Variants in SYN1 observed in about 807,000 individuals in gnomAD.
The protein encoded by SYN1 is synapsin-1.
A neutral mutation model predicts 44.6 loss-of-function variants in SYN1; 8 were observed. The ratio of observed to expected loss-of-function variants is 0.18; its 90% CI spans 0.11 to 0.32. SYN1 has a LOEUF of 0.32. Among genes scored for constraint, SYN1 ranks in the 10% least tolerant of loss-of-function variants. The pLI, the probability that SYN1 is intolerant of heterozygous loss-of-function variation, is 1.00. For synonymous variants in SYN1, 275 were observed against 280.1 expected (o/e 0.98, Z 0.18); for missense variants, 451 against 639.4 (o/e 0.71, Z 3.18).
intron 5 of SYN1, chrX:47,583,668 C>A: frequency 1.4e-6 from 1 of 738,519 alleles, no homozygotes; most frequent in Non-Finnish European, 1.9e-6. Flanking sequence ...GCCACACTGG[C>A]ATCCTCACAC....
intron 1 of SYN1, 79 bp downstream of exon 1, chrX:47,619,273 G>C: frequency 8.5e-7 from 1 of 1,172,714 alleles, no homozygotes; most frequent in South Asian, 1.8e-5. Flanking sequence ...GCACACAAGC[G>C]GCGCTCGATA....
At chrX:47,577,572 A>G in intron 5 of SYN1, 71 bp from the exon 6 acceptor site, 2 of 968,315 alleles carry the variant, frequency 2.1e-6, no homozygotes, top group Non-Finnish European at 2.9e-6. Context: ...GGCGGCACTG[A>G]GGGGATCCCA....
chrX:47,601,574 C>T (rs888725802), intron 5 of SYN1, among the ~76,000 whole-genome samples: 1 of 111,246 alleles, frequency 9.0e-6, no homozygotes, highest in South Asian at 3.7e-4. Context: ...CTGAGCAACA[C>T]AGCAAGACCC....
At position 47,576,320 on chromosome X, in the gene SYN1, C is replaced by T. The variant is rs373071109; in HGVS notation, c.1055+12G>A. On this transcript the variant is annotated intron_variant, in intron 8 of 12. Transcript: ENST00000295987. Reference sequence around the variant, plus strand: ...CCCGCTTCCCCTCACACCCTGAGTTCGGGCTGCCCACCTGTCAGACATGGC... The same window carrying T: ...CCCGCTTCCCCTCACACCCTGAGTTTGGGCTGCCCACCTGTCAGACATGGC... The T allele has an allele frequency of 1.2e-4, 145 of 1,209,716 alleles. No homozygotes were observed. Among genetic ancestry groups the T allele is most frequent in the Non-Finnish European group, 9.7e-5 (87 of 894,860 alleles).
rs773605622 is a variant in SYN1 at position 47,574,583 on chromosome X, A to G, written c.1401T>C (p.Pro467=). 2 of 1,092,216 alleles carry G rather than the reference A, an allele frequency of 1.8e-6. No homozygotes were observed. The highest frequency in any genetic ancestry group is 6.4e-5 in the Admixed American group (2 of 31,314). The allele number at this position is 1,092,216 out of a possible 1,213,427, so 90.0% of individuals were successfully genotyped here. The change falls in exon 12 of 13, where the codon CCT becomes CCC. Residue 467 remains proline (P), a synonymous_variant. Coordinates refer to ENST00000295987, the MANE Select transcript of SYN1 (RefSeq NM_006950.3). ...AQQRPPPQGG[P]PQPGPGPQRQ... ...GCTGGGGGCCTGGACCCGGCTGTGGAGGGCCGCCTGGGGGACAGAGGGAGA... is the reference window on the plus strand; with the variant it reads ...GCTGGGGGCCTGGACCCGGCTGTGGGGGGCCGCCTGGGGGACAGAGGGAGA...
At chrX:47,609,005 GACACAC>G (rs757667668) in intron 1 of SYN1, among the ~76,000 whole-genome samples, 982 of 87,390 alleles carry the variant, frequency 0.011, 24 homozygotes, top group African/African-American at 0.039. Context: ...CTCTCTCTCT[GACACAC>G]ACACACACAC....
In SYN1 at chrX:47,575,185, C is replaced by T; in HGVS notation, c.1248G>A (p.Gln416=). The T allele has an allele frequency of 8.3e-7, 1 of 1,198,883 alleles. No individual in the cohort carries two copies. The highest frequency in any genetic ancestry group is 1.1e-6 in the Non-Finnish European group (1 of 889,007). ...CCCGCTGTCGCTGCCGGGGCAGGGCCTGAGCCATCTTGTTGACCACGAGCT... is the reference window on the plus strand; with the variant it reads ...CCCGCTGTCGCTGCCGGGGCAGGGCTTGAGCCATCTTGTTGACCACGAGCT... ...IVELVVNKMA[Q]ALPRQRQRDA... The change falls in exon 10 of 13, where the codon CAG becomes CAA. Residue 416 remains glutamine, a synonymous_variant. Coordinates refer to ENST00000295987, the MANE Select transcript of SYN1 (RefSeq NM_006950.3).
chrX:47,603,668 A>G (rs1443637042), intron 5 of SYN1, among the ~76,000 whole-genome samples: 3 of 110,736 alleles, frequency 2.7e-5, no homozygotes, highest in African/African-American at 9.8e-5. Flanking sequence ...TCTCCACTGC[A>G]TGCCATGTTT....
At chrX:47,577,544 G>C in intron 5 of SYN1, 43 bp from the exon 6 acceptor site, 1 of 1,154,025 alleles carries the variant, frequency 8.7e-7, no homozygotes, top group African/African-American at 1.8e-5. Flanking sequence ...GGGCAGAAAG[G>C]GTGACCTCCA....
chrX:47,573,248 G>A (rs2057765718), intron 12 of SYN1, among the ~76,000 whole-genome samples: 2 of 111,704 alleles, frequency 1.8e-5, no homozygotes, highest in South Asian at 7.4e-4. Context: ...GGGAGGACTT[G>A]GATCCAGGGT....
At chrX:47,585,575 A>G (rs1387551262) in intron 5 of SYN1, 6 of 1,198,908 alleles carry the variant, frequency 5.0e-6, no homozygotes, top group Non-Finnish European at 6.8e-6. Context: ...GCACATCACT[A>G]CCTGCAGTTT....
chrX:47,583,189 C>G (rs1040926607), intron 5 of SYN1, among the ~76,000 whole-genome samples: 4 of 100,834 alleles, frequency 4.0e-5, no homozygotes, highest in African/African-American at 1.5e-4. Flanking sequence ...GCAACTCACT[C>G]AGTCCCTCAA....
Position 47,591,041 on chromosome X carries a change from T to C in SYN1, c.775-13540A>G, listed in dbSNP as rs1019824290. On this transcript the variant is annotated intron_variant, in intron 5 of 12. Transcript: ENST00000295987. ...CTAAGTAGCTGGGACTACAGGCACA[T>C]GCCACCATGCTCAGCTAATTTTTTG... Among the ~76,000 whole-genome samples the C allele has an allele frequency of 2.7e-5, 3 of 111,689 alleles. No homozygotes were observed. The East Asian group carries it at 8.5e-4, about 32-fold the overall frequency.
At chrX:47,619,201 G>T in intron 1 of SYN1, 151 bp downstream of exon 1, 1 of 923,445 alleles carries the variant, frequency 1.1e-6, no homozygotes, top group Non-Finnish European at 1.5e-6. Flanking sequence ...GCGGGGCACA[G>T]AGGAAGCATC....
chrX:47,595,888 T>A (rs755811024), intron 5 of SYN1, among the ~76,000 whole-genome samples: 1 of 112,325 alleles, frequency 8.9e-6, no homozygotes, highest in African/African-American at 3.2e-5. Flanking sequence ...CTGGCAAAAA[T>A]TGTCAAAACA....
chrX:47,573,139 G>C lies in SYN1; in HGVS notation c.1983-140C>G, dbSNP rs1424321812. 20 of 779,149 alleles carry C rather than the reference G, an allele frequency of 2.6e-5. No individual in the cohort carries two copies. In the Admixed American group the frequency reaches 5.4e-4, roughly 21 times the overall value. 64.2% of individuals were successfully genotyped at this position (779,149 alleles called of 1,213,427 possible). Reference sequence around the variant, plus strand: ...GGCTGTGCCTGTGACCTCCCCACCTGCCACCATGGGCCTGGACCCTAACAG... The same window carrying C: ...GGCTGTGCCTGTGACCTCCCCACCTCCCACCATGGGCCTGGACCCTAACAG... On this transcript the variant is annotated intron_variant, in intron 12 of 12. Transcript: ENST00000295987.
At chrX:47,578,277 C>T (rs2057784429) in intron 5 of SYN1, among the ~76,000 whole-genome samples, 1 of 110,815 alleles carries the variant, frequency 9.0e-6, no homozygotes, top group African/African-American at 3.3e-5. Flanking sequence ...AATCAAGAGA[C>T]ACACAACTCC....
intron 8 of SYN1, 35 bp downstream of exon 8, chrX:47,576,297 C>T (rs368760934): frequency 8.3e-6 from 10 of 1,207,036 alleles, no homozygotes; most frequent in Non-Finnish European, 1.1e-5. Context: ...CTCCCACCCC[C>T]GCTTCCCCTC....
chrX:47,584,870 G>A (rs1483413529), intron 5 of SYN1: 1 of 950,521 alleles, frequency 1.1e-6, no homozygotes, highest in African/African-American at 1.9e-5. Context: ...TGATGATGAT[G>A]ATGATGATCT....
Sources: gnomAD v4.1 joint callset for allele counts (sites outside exome capture counted in the v4.1 genomes callset) on GRCh38, gnomAD v4.1.1 for gene constraint, MANE v1.5 for transcripts, NCBI Gene and HGNC (gene_info 2026-07-23, HGNC 2026-07-21) for gene names.